SART3: variants seen among roughly 807,000 people sequenced by gnomAD.
The protein encoded by SART3 is HIV-1 Tat-interacting protein of 110kDa.
In SART3, 44 loss-of-function variants were observed where a neutral mutation model predicts 122.3. The observed-to-expected ratio is 0.36, with a 90% CI of 0.28 to 0.46. SART3 has a LOEUF of 0.46. Ranked by LOEUF, SART3 falls within the 20% of genes least tolerant of loss-of-function variation. The pLI is 1.00. For synonymous variants in SART3, 442 were observed against 454.0 expected, an observed-to-expected ratio of 0.97 and a Z score of 0.34; for missense variants, 1,101 against 1,229.0, an observed-to-expected ratio of 0.90 and a Z score of 1.56.
intron 18 of SART3, 118 bp downstream of exon 18, chr12:108,524,198 C>T (rs1872259577): frequency 2.2e-6 from 2 of 901,168 alleles, no homozygotes; most frequent in Non-Finnish European, 3.7e-6. Context: ...AGGAACAGCA[C>T]ATCTTGGCTT....
chr12:108,542,786 G>A, intron 6 of SART3: 2 of 600,548 alleles, frequency 3.3e-6, no homozygotes, highest in Non-Finnish European at 6.2e-6. Context: ...GGAGAGGGAG[G>A]AGGAGGCAAT....
In SART3 at chr12:108,523,314, CCTTTCT is replaced by C; in HGVS notation, c.*137_*142del. The C allele has an allele frequency of 1.1e-6, 1 of 872,940 alleles. No homozygotes were observed. The highest frequency in any genetic ancestry group is 1.9e-6 in the Non-Finnish European group (1 of 518,554). The allele number at this position is 872,940 out of a possible 1,614,324, so 54.1% of individuals were successfully genotyped here. On this transcript the variant is annotated 3_prime_UTR_variant, in exon 19 of 19. Coordinates refer to ENST00000546815, the MANE Select transcript of SART3 (RefSeq NM_014706.4). Reference sequence around the variant, plus strand: ...AGGCTCTTGACTTAGAACCCCTTCCCCTTTCTGTCTAAAGCCGAGGAGCCATCTGTG... The same window carrying C: ...AGGCTCTTGACTTAGAACCCCTTCCCGTCTAAAGCCGAGGAGCCATCTGTG...
Position 108,547,463 on chromosome 12 carries a change from G to A in SART3, c.544+424C>T, listed in dbSNP as rs981197666. ...GATATTGGAGGAAACTGGGTGAAGG[G>A]AGTACACAAGACTTCTCTGTACTAT... is the stretch of plus-strand genomic sequence containing the variant. On this transcript the variant is annotated intron_variant, in intron 3 of 18. Transcript: ENST00000546815. 2.6e-5 allele frequency among the ~76,000 whole-genome samples: 4 copies of A among 152,180 alleles called. No homozygotes were observed. In the East Asian group the frequency reaches 7.7e-4, roughly 29 times the overall value.
At chr12:108,544,340 T>C in intron 5 of SART3, 87 bp downstream of exon 5, 1 of 1,136,974 alleles carries the variant, frequency 8.8e-7, no homozygotes, top group South Asian at 1.2e-5. Context: ...CCTCACAGGA[T>C]GGTGGGAAAG....
intron 12 of SART3, among the ~76,000 whole-genome samples, 174 bp downstream of exon 12, chr12:108,535,185 T>C (rs1002349699): frequency 2.6e-5 from 4 of 152,152 alleles, no homozygotes; most frequent in African/African-American, 9.7e-5. Flanking sequence ...CAAAATATCA[T>C]GTCTGGTTCT....
At chr12:108,534,532 T>C (rs2136672016) in intron 12 of SART3, among the ~76,000 whole-genome samples, 1 of 150,962 alleles carries the variant, frequency 6.6e-6, no homozygotes, top group East Asian at 1.9e-4. Flanking sequence ...ATCCAAAAAT[T>C]AGCCAGGTGT....
Position 108,522,246 on chromosome 12 carries a change from T to C in SART3, c.*1211A>G, listed in dbSNP as rs1210256721. Among the ~76,000 whole-genome samples, 1 of 152,238 alleles carries C rather than the reference T, an allele frequency of 6.6e-6. No homozygotes were observed. Among genetic ancestry groups the C allele is most frequent in the Non-Finnish European group, 1.5e-5 (1 of 68,042 alleles). On this transcript the variant is annotated 3_prime_UTR_variant, in exon 19 of 19. Transcript: ENST00000546815. The stretch of plus-strand genomic sequence containing the variant: ...CACACAGGAGTTTATTTTACTGTTC[T>C]GTCTACTTTTTAATCGGTTATATTA...
intron 15 of SART3, among the ~76,000 whole-genome samples, chr12:108,528,992 G>A (rs549079614): frequency 2.0e-4 from 30 of 152,248 alleles, no homozygotes; most frequent in African/African-American, 7.2e-4. Context: ...GTATGATGGT[G>A]CATGCCTGTA....
At position 108,560,921 on chromosome 12, in the gene SART3, G is replaced by A; in HGVS notation, c.234C>T (p.Ser78=). 4 of 1,613,870 alleles carry A rather than the reference G, an allele frequency of 2.5e-6. No homozygotes were observed. The highest frequency in any genetic ancestry group is 3.4e-6 in the Non-Finnish European group (4 of 1,179,900). Residue 78 remains serine, a synonymous_variant, in exon 1 of 19, where the codon AGC becomes AGT. Coordinates refer to ENST00000546815, the MANE Select transcript of SART3 (RefSeq NM_014706.4). ...ATTCCCACTCGTACTCCCCGGGGGAGCTCTCCGCGGAGGAAGCCATGGCGT... is the reference window on the plus strand; with the variant it reads ...ATTCCCACTCGTACTCCCCGGGGGAACTCTCCGCGGAGGAAGCCATGGCGT... ...DEYAMASSAE[S]SPGEYEWEYD...
intron 1 of SART3, among the ~76,000 whole-genome samples, chr12:108,552,624 T>TATACACCTAAATAA (rs1301318672): frequency 6.7e-6 from 1 of 150,028 alleles, no homozygotes; most frequent in East Asian, 1.9e-4. Flanking sequence ...ACCTAAATAA[T>TATACACCTAAATAA]TAGGTGTATA....
chr12:108,534,501 C>T (rs1437195772), intron 12 of SART3, among the ~76,000 whole-genome samples: 1 of 149,974 alleles, frequency 6.7e-6, no homozygotes, highest in African/African-American at 2.5e-5. Flanking sequence ...GAAACTGTGC[C>T]TCTTCTAAAA....
intron 12 of SART3, 40 bp downstream of exon 12, chr12:108,535,319 T>C (rs762630570): frequency 5.9e-6 from 9 of 1,516,570 alleles, no homozygotes; most frequent in Non-Finnish European, 8.2e-6. Context: ...GGTGCACAGC[T>C]GACAAGCACT....
intron 17 of SART3, 77 bp downstream of exon 17, chr12:108,525,380 A>C (rs772585646): frequency 1.1e-5 from 17 of 1,504,906 alleles, no homozygotes; most frequent in Non-Finnish European, 1.6e-5. Context: ...TCTAGAGGTT[A>C]AATCATCTTT....
chr12:108,554,930 A>C (rs973217156), intron 1 of SART3, among the ~76,000 whole-genome samples: 39 of 152,180 alleles, frequency 2.6e-4, no homozygotes, highest in African/African-American at 9.4e-4. Flanking sequence ...GCAAAGTGAC[A>C]AGCAATAAGA....
chr12:108,536,994 AG>A (rs1872936228), intron 9 of SART3: 3 of 571,652 alleles, frequency 5.2e-6, no homozygotes, highest in Non-Finnish European at 9.4e-6. Flanking sequence ...GTGGTGAAAA[AG>A]GCAAACACAG....
Position 108,545,298 on chromosome 12 carries a change from G to A in SART3, c.570C>T (p.Gly190=). Residue 190 remains glycine (G), a synonymous_variant, in exon 4 of 19, where the codon GGC becomes GGT. Transcript: ENST00000546815. ...YICPNIWLEY[G]QYSVGGIGQK... ...GACCAATCCCACCAACTGAGTACTG[G>A]CCATACTCTAGCCAAATGTTAGGAC... 1 of 1,614,080 alleles carries A rather than the reference G, an allele frequency of 6.2e-7. No homozygotes were observed. The highest frequency in any genetic ancestry group is 8.5e-7 in the Non-Finnish European group (1 of 1,180,010).
In SART3 at chr12:108,525,314, G is replaced by A. The variant is rs1454956193; in HGVS notation, c.2523+143C>T. ...ACTCCAAATATAAGTAGAGCTAAGT[G>A]CAGATCTTTCTGTGAAATTAACTTT... On this transcript the variant is annotated intron_variant, in intron 17 of 18. Transcript: ENST00000546815. 1.5e-5 allele frequency: 12 copies of A among 811,862 alleles called. No homozygotes were observed. The South Asian group carries it at 1.6e-4, about 11-fold the overall frequency. 50.3% of individuals were successfully genotyped at this position (811,862 alleles called of 1,614,324 possible).
At chr12:108,540,739 C>T (rs542258897) in intron 6 of SART3, among the ~76,000 whole-genome samples, 2 of 149,652 alleles carry the variant, frequency 1.3e-5, no homozygotes, top group Middle Eastern at 3.5e-3. Flanking sequence ...ATCATTACAA[C>T]AGTGTAACAT....
intron 15 of SART3, among the ~76,000 whole-genome samples, chr12:108,529,303 G>A (rs942024730): frequency 4.0e-5 from 6 of 150,944 alleles, no homozygotes; most frequent in African/African-American, 9.7e-5. Context: ...ACACGCACAC[G>A]CACACACACA....
Sources: allele counts gnomAD v4.1 joint callset (sites outside exome capture counted in the v4.1 genomes callset), GRCh38; gene constraint gnomAD v4.1.1; transcripts MANE v1.5; gene names NCBI Gene and HGNC (gene_info 2026-07-23, HGNC 2026-07-21).